The following COX7C variants were observed in gnomAD, a reference collection of about 807,000 sequenced individuals.
COX7C encodes cytochrome c oxidase subunit 7C, mitochondrial.
COX7C carries 1 observed loss-of-function variant against 6.4 expected under a neutral mutation model. That is an observed-to-expected ratio of 0.16 (90% CI 0.06 to 0.74). COX7C has a LOEUF of 0.74. Among genes scored for constraint, COX7C ranks in the 30% least tolerant of loss-of-function variants. The pLI, the probability that COX7C is intolerant of heterozygous loss-of-function variation, is 0.78. For synonymous variants in COX7C, 24 were observed against 28.9 expected (o/e 0.83, Z 0.54); for missense variants, 54 against 73.7 (o/e 0.73, Z 0.98).
rs752860963 is a variant in COX7C at position 86,620,657 on chromosome 5, T to C, written c.*28-11T>C. On this transcript the variant is annotated splice_polypyrimidine_tract_variant and intron_variant, in intron 2 of 2. Coordinates refer to ENST00000247655, the MANE Select transcript of COX7C (RefSeq NM_001867.3). ...TTTAAAATGCCATTAATTTCTGTTTTTATTTTGCAGATATGAAGAGCATTT... is the reference window on the plus strand; with the variant it reads ...TTTAAAATGCCATTAATTTCTGTTTCTATTTTGCAGATATGAAGAGCATTT... 1 of 438,456 alleles carries C rather than the reference T, an allele frequency of 2.3e-6. No individual in the cohort carries two copies. Among genetic ancestry groups the C allele is most frequent in the South Asian group, 1.6e-5 (1 of 62,770 alleles). 27.2% of individuals were successfully genotyped at this position (438,456 alleles called of 1,614,324 possible).
Position 86,619,247 on chromosome 5 carries a change from T to A in COX7C, c.76-106T>A, listed in dbSNP as rs144023897. On this transcript the variant is annotated intron_variant, in intron 1 of 2. Transcript: ENST00000247655. ...TTATGATTTATGGCATATGTTAACC[T>A]GATGATGTAAAATATAACTAGCATT... 558 of 730,124 alleles carry A rather than the reference T, an allele frequency of 7.6e-4. 6 individuals carry two copies. In the African/African-American group the frequency reaches 8.5e-3, roughly 11 times the overall value. 45.2% of individuals were successfully genotyped at this position (730,124 alleles called of 1,614,324 possible). A position where few individuals can be genotyped will look rare whatever the true frequency, so the allele number is the denominator to read the frequency against.
chr5:86,619,176 T>C (rs912878085), intron 1 of COX7C, among the ~76,000 whole-genome samples, 177 bp from the exon 2 acceptor site: 3 of 152,168 alleles, frequency 2.0e-5, no homozygotes, highest in Non-Finnish European at 2.9e-5. Flanking sequence ...TGTAGTGTTT[T>C]GTGATGAAGG....
chr5:86,618,373 C>T (rs1010334579), intron 1 of COX7C: 1 of 494,586 alleles, frequency 2.0e-6, no homozygotes, highest in Non-Finnish European at 3.7e-6. Context: ...CTGACGCCCC[C>T]TCCCCCGCCC....
In COX7C at chr5:86,619,303, A is replaced by G. The variant is rs1016273194; in HGVS notation, c.76-50A>G. ...TATACTTGTATTTTGATTATTAAGC[A>G]GATGATTTGAGATTCAATTTCGATT... On this transcript the variant is annotated intron_variant, in intron 1 of 2. Transcript: ENST00000247655. 1.1e-5 allele frequency: 12 copies of G among 1,064,790 alleles called. No individual in the cohort carries two copies. The Admixed American group carries it at 1.2e-4, about 11-fold the overall frequency. The allele number at this position is 1,064,790 out of a possible 1,614,324, so 66.0% of individuals were successfully genotyped here.
In COX7C at chr5:86,620,749, A is replaced by G; in HGVS notation, c.*109A>G. 3.1e-6 allele frequency: 1 copy of G among 322,034 alleles called. No homozygotes were observed. Among genetic ancestry groups the G allele is most frequent in the East Asian group, 8.0e-5 (1 of 12,520 alleles). 19.9% of individuals were successfully genotyped at this position (322,034 alleles called of 1,614,324 possible). A position where few individuals can be genotyped will look rare whatever the true frequency, so the allele number is the denominator to read the frequency against. On this transcript the variant is annotated 3_prime_UTR_variant, in exon 3 of 3. Transcript: ENST00000247655. ...TATGCCATACTAGATATGTTTGTCA[A>G]TAAACTTATGACGTGAATGCTTAAT...
Position 86,620,832 on chromosome 5 carries a change from G to T in COX7C, c.*192G>T. 1 of 233,076 alleles carries T rather than the reference G, an allele frequency of 4.3e-6. No individual in the cohort carries two copies. The highest frequency in any genetic ancestry group is 9.4e-6 in the Non-Finnish European group (1 of 106,678). 14.4% of individuals were successfully genotyped at this position (233,076 alleles called of 1,614,324 possible). The stretch of plus-strand genomic sequence containing the variant: ...GGCCATTTGCCTACTTTATTATTTG[G>T]GTAACATTCCAGTATTACTCTCTGT... On this transcript the variant is annotated 3_prime_UTR_variant, in exon 3 of 3. Transcript: ENST00000247655.
chr5:86,620,059 TA>T (rs1467731629), intron 2 of COX7C: 1 of 152,600 alleles, frequency 6.6e-6, no homozygotes, highest in East Asian at 1.9e-4. Context: ...TCCCTGAAGA[TA>T]AAACCCTTCT....
At chr5:86,619,268 G>C in intron 1 of COX7C, 85 bp from the exon 2 acceptor site, 1 of 807,514 alleles carries the variant, frequency 1.2e-6, no homozygotes, top group South Asian at 1.4e-5. Context: ...AATATAACTA[G>C]CATTTCCTGT....
In COX7C at chr5:86,617,952, T is replaced by G. The variant is rs1481058759; in HGVS notation, c.-104T>G. ...CATTTCCCATCTTTCTTTTCAGTCC[T>G]TGCGCACCGGGGAACAAGGTCGTGA... On this transcript the variant is annotated 5_prime_UTR_variant, in exon 1 of 3. Coordinates refer to ENST00000247655, the MANE Select transcript of COX7C (RefSeq NM_001867.3). The G allele has an allele frequency of 8.5e-6, 9 of 1,056,726 alleles. No homozygotes were observed. Among genetic ancestry groups the G allele is most frequent in the Non-Finnish European group, 1.3e-5 (9 of 697,646 alleles). 65.5% of individuals were successfully genotyped at this position (1,056,726 alleles called of 1,614,324 possible).
At chr5:86,618,336 T>C in intron 1 of COX7C, 1 of 550,582 alleles carries the variant, frequency 1.8e-6, no homozygotes, top group Non-Finnish European at 3.3e-6. Flanking sequence ...GGCAGGTAGA[T>C]CCGGAAGCCC....
chr5:86,619,799 A>G (rs1435185803), intron 2 of COX7C: 10 of 223,926 alleles, frequency 4.5e-5, no homozygotes, highest in African/African-American at 9.0e-5. Flanking sequence ...AAGTTGTTCA[A>G]CATCTCATAA....
chr5:86,620,576 A>C, intron 2 of COX7C, 92 bp from the exon 3 acceptor site: 1 of 397,058 alleles, frequency 2.5e-6, no homozygotes, highest in Middle Eastern at 3.6e-4. Flanking sequence ...GTACTACTCA[A>C]ACTGATAGAA....
chr5:86,620,515 A>G (rs1322204537), intron 2 of COX7C, 153 bp from the exon 3 acceptor site: 11 of 268,222 alleles, frequency 4.1e-5, no homozygotes, highest in Non-Finnish European at 8.2e-5. Flanking sequence ...GGTGCATGTG[A>G]TGAAGCAAAT....
At chr5:86,619,662 AT>A (rs1295329099) in intron 2 of COX7C, 166 bp downstream of exon 2, 4 of 518,688 alleles carry the variant, frequency 7.7e-6, no homozygotes, top group African/African-American at 7.6e-5. Flanking sequence ...ATATAAAAAT[AT>A]TTCAATAATG....
At chr5:86,618,408 G>A in intron 1 of COX7C, 1 of 442,762 alleles carries the variant, frequency 2.3e-6, no homozygotes, top group Non-Finnish European at 4.2e-6. Context: ...AGATGGCTCC[G>A]GGAGGCCACG....
chr5:86,619,337 T>C lies in COX7C; in HGVS notation c.76-16T>C, dbSNP rs1561268466. The C allele has an allele frequency of 5.3e-6, 8 of 1,502,196 alleles. No homozygotes were observed. Among genetic ancestry groups the C allele is most frequent in the Non-Finnish European group, 7.4e-6 (8 of 1,080,166 alleles). 93.1% of individuals were successfully genotyped at this position (1,502,196 alleles called of 1,614,324 possible). Reference sequence around the variant, plus strand: ...GAGATTCAATTTCGATTACTTTTTCTCTTTTTTTCCAACAGAATTTGCCAT... The same window carrying C: ...GAGATTCAATTTCGATTACTTTTTCCCTTTTTTTCCAACAGAATTTGCCAT... On this transcript the variant is annotated splice_polypyrimidine_tract_variant and intron_variant, in intron 1 of 2. Coordinates refer to ENST00000247655, the MANE Select transcript of COX7C (RefSeq NM_001867.3).
At chr5:86,620,156 T>G (rs1750091211) in intron 2 of COX7C, 1 of 152,336 alleles carries the variant, frequency 6.6e-6, no homozygotes, top group Admixed American at 6.5e-5. Flanking sequence ...AAACTCAAAC[T>G]TTTAAATATA....
intron 1 of COX7C, 100 bp from the exon 2 acceptor site, chr5:86,619,253 T>C: frequency 1.3e-6 from 1 of 744,972 alleles, no homozygotes; most frequent in Non-Finnish European, 2.4e-6. Flanking sequence ...AACCTGATGA[T>C]GTAAAATATA....
rs1476761587 is a variant in COX7C, at chr5:86,619,504, G to C, written c.*27+8G>C. 1.5e-6 allele frequency: 2 copies of C among 1,359,728 alleles called. No homozygotes were observed. The highest frequency in any genetic ancestry group is 2.1e-6 in the Non-Finnish European group (2 of 948,604). The allele number at this position is 1,359,728 out of a possible 1,614,324, so 84.2% of individuals were successfully genotyped here. A position where few individuals can be genotyped will look rare whatever the true frequency, so the allele number is the denominator to read the frequency against. The stretch of plus-strand genomic sequence containing the variant: ...AGTTCCTCCATTTAACAGGTAGTTA[G>C]TGGATTTCTAATCATGTTAAAGCAG... On this transcript the variant is annotated splice_region_variant and intron_variant, in intron 2 of 2. Coordinates refer to ENST00000247655, the MANE Select transcript of COX7C (RefSeq NM_001867.3).
Sources: allele counts gnomAD v4.1 joint callset (sites outside exome capture counted in the v4.1 genomes callset), GRCh38; gene constraint gnomAD v4.1.1; transcripts MANE v1.5; gene names NCBI Gene and HGNC (gene_info 2026-07-23, HGNC 2026-07-21).